L3MBTL4: variants seen among roughly 807,000 people sequenced by gnomAD.
L3MBTL4 encodes lethal(3)malignant brain tumor-like protein 4.
L3MBTL4 carries 70 observed loss-of-function variants against 84.5 expected under a neutral mutation model. That is an observed-to-expected ratio of 0.83 (90% CI 0.68 to 1.01). The LOEUF (loss-of-function observed/expected upper bound fraction) is 1.01. L3MBTL4 is among the 50% of genes least tolerant of loss of function. The pLI is 0.00. For missense variants in L3MBTL4, 715 were observed against 754.8 expected, an observed-to-expected ratio of 0.95 and a Z score of 0.62; for synonymous variants, 274 against 259.8, an observed-to-expected ratio of 1.05 and a Z score of -0.52.
intron 1 of L3MBTL4, among the ~76,000 whole-genome samples, chr18:6,347,983 G>T (rs2052998655): frequency 6.6e-6 from 1 of 151,866 alleles, no homozygotes; most frequent in Non-Finnish European, 1.5e-5. Context: ...TCCATACAAA[G>T]AGTCAATCTT....
chr18:6,073,678 T>C (rs1413689049), intron 16 of L3MBTL4, among the ~76,000 whole-genome samples: 1 of 152,200 alleles, frequency 6.6e-6, no homozygotes, highest in African/African-American at 2.4e-5. Context: ...AAATTGACGA[T>C]GCAAGCTGAA....
At chr18:5,993,889 A>G (rs933761057) in intron 16 of L3MBTL4, among the ~76,000 whole-genome samples, 3 of 152,216 alleles carry the variant, frequency 2.0e-5, no homozygotes, top group South Asian at 2.1e-4. Flanking sequence ...GTTAAAAAAA[A>G]TACATGTTTT....
At chr18:6,117,877 T>A (rs2059403608) in intron 14 of L3MBTL4, among the ~76,000 whole-genome samples, 1 of 152,180 alleles carries the variant, frequency 6.6e-6, no homozygotes, top group African/African-American at 2.4e-5. Flanking sequence ...GAATTTCCAA[T>A]TCTCTGTATT....
intron 12 of L3MBTL4, among the ~76,000 whole-genome samples, chr18:6,181,250 T>C (rs2044458949): frequency 6.6e-6 from 1 of 152,068 alleles, no homozygotes; most frequent in Non-Finnish European, 1.5e-5. Context: ...GTCAATTACA[T>C]GTCACAGGGG....
intron 6 of L3MBTL4, among the ~76,000 whole-genome samples, chr18:6,244,030 TAGTA>T (rs1464249970): frequency 1.3e-5 from 2 of 152,210 alleles, no homozygotes; most frequent in Non-Finnish European, 1.5e-5. Flanking sequence ...ATAATATATT[TAGTA>T]AGTATTACAT....
intron 12 of L3MBTL4, among the ~76,000 whole-genome samples, chr18:6,205,454 T>C (rs1420304582): frequency 6.6e-6 from 1 of 152,250 alleles, no homozygotes; most frequent in Non-Finnish European, 1.5e-5. Context: ...TACATGTATA[T>C]AACATGAATG....
chr18:5,990,728 G>T (rs139336867), intron 16 of L3MBTL4, among the ~76,000 whole-genome samples: 60 of 151,996 alleles, frequency 3.9e-4, no homozygotes, highest in African/African-American at 1.4e-3. Flanking sequence ...CAAAGTCTAA[G>T]CCCTGAAGGA....
intron 16 of L3MBTL4, among the ~76,000 whole-genome samples, chr18:6,036,159 T>G (rs2056129514): frequency 6.6e-6 from 1 of 152,230 alleles, no homozygotes; most frequent in East Asian, 1.9e-4. Context: ...TGTTTCGGTT[T>G]GGATCTTTGA....
intron 10 of L3MBTL4, among the ~76,000 whole-genome samples, chr18:6,220,621 C>A (rs543056214): frequency 1.1e-4 from 16 of 152,280 alleles, no homozygotes; most frequent in African/African-American, 3.9e-4. Flanking sequence ...GTGAATATTT[C>A]ATTTCTCTTG....
intron 12 of L3MBTL4, among the ~76,000 whole-genome samples, chr18:6,212,325 C>T (rs1161685986): frequency 6.6e-5 from 10 of 152,208 alleles, no homozygotes; most frequent in East Asian, 3.9e-4. Context: ...ATTAGGGATA[C>T]GGCAAATAAG....
At chr18:6,224,884 G>A (rs1002363167) in intron 10 of L3MBTL4, among the ~76,000 whole-genome samples, 7 of 151,306 alleles carry the variant, frequency 4.6e-5, no homozygotes, top group African/African-American at 1.7e-4. Flanking sequence ...CTAGATATTT[G>A]AGGACCACAA....
At chr18:6,100,232 C>T (rs981981960) in intron 14 of L3MBTL4, among the ~76,000 whole-genome samples, 2 of 152,088 alleles carry the variant, frequency 1.3e-5, no homozygotes, top group African/African-American at 4.8e-5. Flanking sequence ...CACATAGTGA[C>T]CAGCACAAAT....
intron 12 of L3MBTL4, among the ~76,000 whole-genome samples, chr18:6,202,756 C>A (rs1323142827): frequency 6.6e-6 from 1 of 152,068 alleles, no homozygotes; most frequent in Non-Finnish European, 1.5e-5. Context: ...GTTTACTAAG[C>A]TGAGGATGCC....
At chr18:6,328,661 GATTTTTGTGAATTT>G (rs1208481595) in intron 1 of L3MBTL4, among the ~76,000 whole-genome samples, 1 of 152,200 alleles carries the variant, frequency 6.6e-6, no homozygotes, top group African/African-American at 2.4e-5. Flanking sequence ...AATAGCATTA[GATTTTTGTGAATTT>G]ATTAATTAGA....
chr18:6,359,072 C>T (rs376198484), intron 1 of L3MBTL4, among the ~76,000 whole-genome samples: 5 of 152,230 alleles, frequency 3.3e-5, no homozygotes, highest in African/African-American at 1.2e-4. Flanking sequence ...GCAACACAAG[C>T]TTAATCAGTC....
chr18:6,317,001 A>AAAATAAAT (rs143668018), intron 1 of L3MBTL4, among the ~76,000 whole-genome samples: 7,849 of 151,052 alleles, frequency 0.052, 235 homozygotes, highest in East Asian at 0.1. Flanking sequence ...ATACTGGTAC[A>AAAATAAAT]AAATAAATAA....
At chr18:6,389,600 T>C (rs958968073) in intron 1 of L3MBTL4, among the ~76,000 whole-genome samples, 1 of 151,934 alleles carries the variant, frequency 6.6e-6, no homozygotes, top group Non-Finnish European at 1.5e-5. Context: ...GATAAACAGG[T>C]GGAAACAAAT....
intron 14 of L3MBTL4, among the ~76,000 whole-genome samples, chr18:6,123,582 T>G (rs984363589): frequency 5.3e-5 from 8 of 152,226 alleles, no homozygotes; most frequent in African/African-American, 1.9e-4. Context: ...TCCCCAGCCA[T>G]GTGAAACTGT....
chr18:6,093,503 T>G lies in L3MBTL4; in HGVS notation c.1225A>C (p.Met409Leu), dbSNP rs775553060. ...AGTGTTGCCTCCTTTTTCAAGTTCA[T>G]GTCTGAATACGGGCAGCCAAAAGCA... ...HSAFGCPYSDMNLKKEATLHD... is the reference protein window; with the variant it reads ...HSAFGCPYSDLNLKKEATLHD... The change falls in exon 15 of 19, where the codon ATG becomes CTG. Residue 409 changes from methionine (M) to leucine (L), a missense_variant. By Grantham distance (15) the Met-to-Leu change is conservative (BLOSUM62 2). Coordinates refer to ENST00000317931, the MANE Select transcript of L3MBTL4 (RefSeq NM_001330559.2). 2 of 1,613,648 alleles carry G rather than the reference T, an allele frequency of 1.2e-6. No homozygotes were observed. Among genetic ancestry groups the G allele is most frequent in the Non-Finnish European group, 1.7e-6 (2 of 1,179,888 alleles).
Sources: allele counts gnomAD v4.1 joint callset (sites outside exome capture counted in the v4.1 genomes callset), GRCh38; gene constraint gnomAD v4.1.1; transcripts MANE v1.5; gene names NCBI Gene and HGNC (gene_info 2026-07-23, HGNC 2026-07-21).